DDX23: variants seen among roughly 807,000 people sequenced by gnomAD.
DDX23 encodes DEAD-box helicase 23.
A neutral mutation model predicts 102.7 loss-of-function variants in DDX23; 33 were observed. The ratio of observed to expected loss-of-function variants is 0.32; its 90% CI spans 0.24 to 0.43. The LOEUF is 0.43. DDX23 is among the 20% of genes least tolerant of loss of function. The pLI, the probability that DDX23 is intolerant of heterozygous loss-of-function variation, is 1.00. For missense variants in DDX23, 549 were observed against 1,086.6 expected (o/e 0.51, Z 6.96); for synonymous variants, 352 against 376.0 (o/e 0.94, Z 0.74).
chr12:48,848,839 C>A (rs1938712333), intron 1 of DDX23, among the ~76,000 whole-genome samples: 1 of 151,830 alleles, frequency 6.6e-6, no homozygotes, highest in African/African-American at 2.4e-5. Context: ...ACAACCTCCA[C>A]CTCCCAGGTT....
chr12:48,829,911 C>T lies in DDX23; in HGVS notation c.*558G>A. 3.6e-6 allele frequency: 1 copy of T among 276,522 alleles called. No individual in the cohort carries two copies. The highest frequency in any genetic ancestry group is 2.2e-5 in the African/African-American group (1 of 45,682). 17.1% of individuals were successfully genotyped at this position (276,522 alleles called of 1,614,324 possible). A position where few individuals can be genotyped will look rare whatever the true frequency, so the allele number is the denominator to read the frequency against. On this transcript the variant is annotated 3_prime_UTR_variant, in exon 17 of 17. Transcript: ENST00000308025. ...GAAAATCCCCTGGGGGAGGGGATGC[C>T]TAGAGCATACAGCACCCCTTGGTGC...
At chr12:48,840,149 T>G in intron 3 of DDX23, 43 bp from the exon 4 acceptor site, 1 of 1,496,142 alleles carries the variant, frequency 6.7e-7, no homozygotes, top group Non-Finnish European at 9.3e-7. Context: ...CTTACTTCAG[T>G]GCCTGGATGA....
chr12:48,836,312 C>G lies in DDX23; in HGVS notation c.1237-46G>C. The G allele has an allele frequency of 6.3e-7, 1 of 1,599,676 alleles. No homozygotes were observed. Among genetic ancestry groups the G allele is most frequent in the South Asian group, 1.1e-5 (1 of 90,594 alleles). On this transcript the variant is annotated intron_variant, in intron 10 of 16. Transcript: ENST00000308025. This position sits in a 1 kb window ranked among gnomAD's most constrained non-coding sequence, Gnocchi z 6.1. Reference sequence around the variant, plus strand: ...AGTAATAGGTACAGGGAGAGTTATACCACCTGGGCAACCACTGATAGTAGT... The same window carrying G: ...AGTAATAGGTACAGGGAGAGTTATAGCACCTGGGCAACCACTGATAGTAGT...
Position 48,830,834 on chromosome 12 carries a change from C to A in DDX23, c.2240-142G>T. 1.1e-6 allele frequency: 1 copy of A among 884,952 alleles called. No homozygotes were observed. 54.8% of individuals were successfully genotyped at this position (884,952 alleles called of 1,614,324 possible). A position where few individuals can be genotyped will look rare whatever the true frequency, so the allele number is the denominator to read the frequency against. Reference sequence around the variant, plus strand: ...ACATGCTGCCTGAACCTGAGGCGCCCACAGTGCCCTCTCCAGGTGCCCATC... The same window carrying A: ...ACATGCTGCCTGAACCTGAGGCGCCAACAGTGCCCTCTCCAGGTGCCCATC... On this transcript the variant is annotated intron_variant, in intron 16 of 16. Coordinates refer to ENST00000308025, the MANE Select transcript of DDX23 (RefSeq NM_004818.3). The surrounding 1 kb of genome is among the most constrained non-coding windows in gnomAD (Gnocchi z 4.9).
chr12:48,837,774 A>T (rs1194324084), intron 6 of DDX23, 117 bp from the exon 7 acceptor site: 3 of 1,528,924 alleles, frequency 2.0e-6, no homozygotes, highest in Non-Finnish European at 2.6e-6. Flanking sequence ...GACTTATGAT[A>T]TGGGGTAAAT....
intron 3 of DDX23, among the ~76,000 whole-genome samples, chr12:48,842,173 T>C (rs1263890816): frequency 1.5e-5 from 1 of 65,950 alleles, no homozygotes; most frequent in Non-Finnish European, 3.4e-5. Context: ...GGGAGGGAGG[T>C]GGGGGGGGTT....
chr12:48,841,873 C>T (rs1425325231), intron 3 of DDX23, among the ~76,000 whole-genome samples: 25 of 152,084 alleles, frequency 1.6e-4, no homozygotes, highest in Non-Finnish European at 2.8e-4. Context: ...AGCCTCTGCC[C>T]GGCCGCCATC....
chr12:48,843,234 C>T (rs1332304809), intron 3 of DDX23, among the ~76,000 whole-genome samples: 6 of 150,686 alleles, frequency 4.0e-5, no homozygotes, highest in Admixed American at 4.0e-4. Flanking sequence ...ACCTTCCCTC[C>T]ACTATTGTCC....
rs772574055 is a variant in DDX23 at position 48,833,517 on chromosome 12, A to C, written c.1563T>G (p.Ile521Met). 41 of 1,613,758 alleles carry C rather than the reference A, an allele frequency of 2.5e-5. No homozygotes were observed. The highest frequency in any genetic ancestry group is 3.4e-5 in the Non-Finnish European group (40 of 1,180,026). ...TCAAACGCCCAGGGGTAGCAATCAC[A>C]ATCTGAGGAGTACAGTATAATCATT... ...QGFRLRMGCE[I>M]VIATPGRLID... Residue 521 changes from isoleucine (I) to methionine (M), a missense_variant and splice_region_variant, in exon 13 of 17, where the codon ATT becomes ATG. Coordinates refer to ENST00000308025, the MANE Select transcript of DDX23 (RefSeq NM_004818.3).
intron 2 of DDX23, among the ~76,000 whole-genome samples, chr12:48,845,091 G>A (rs1425707907): frequency 6.6e-6 from 1 of 150,582 alleles, no homozygotes; most frequent in Non-Finnish European, 1.5e-5. Flanking sequence ...GGCAGAGGTT[G>A]CAGTGAGCCG....
intron 1 of DDX23, among the ~76,000 whole-genome samples, chr12:48,848,940 G>A (rs997476571): frequency 5.3e-5 from 8 of 151,962 alleles, no homozygotes; most frequent in Non-Finnish European, 1.0e-4. Context: ...TTTTAGTAGA[G>A]GCGGGGTTTC....
At chr12:48,835,299 G>C (rs938022392) in intron 11 of DDX23, 3 of 165,568 alleles carry the variant, frequency 1.8e-5, no homozygotes, top group African/African-American at 7.2e-5. Flanking sequence ...TCAGCCAGGT[G>C]CAGTGGTTCA....
At chr12:48,833,134 C>A in intron 13 of DDX23, 143 bp downstream of exon 13, 1 of 1,260,940 alleles carries the variant, frequency 7.9e-7, no homozygotes, top group Non-Finnish European at 1.1e-6. Flanking sequence ...CAGGTGTGCA[C>A]CACCAATGCC....
chr12:48,830,098 A>G lies in DDX23; in HGVS notation c.*371T>C, dbSNP rs1197100791. ...GCTACTGCAGTTTATGCAGTTACACAGTCAAGTCTGTGCCAAAGGAGGTCC... is the reference window on the plus strand; with the variant it reads ...GCTACTGCAGTTTATGCAGTTACACGGTCAAGTCTGTGCCAAAGGAGGTCC... On this transcript the variant is annotated 3_prime_UTR_variant, in exon 17 of 17. Coordinates refer to ENST00000308025, the MANE Select transcript of DDX23 (RefSeq NM_004818.3). The surrounding 1 kb of genome is among the most constrained non-coding windows in gnomAD (Gnocchi z 4.9). 2.4e-6 allele frequency: 1 copy of G among 415,556 alleles called. No individual in the cohort carries two copies. The highest frequency in any genetic ancestry group is 4.7e-6 in the Non-Finnish European group (1 of 212,352). 25.7% of individuals were successfully genotyped at this position (415,556 alleles called of 1,614,324 possible).
chr12:48,838,617 C>A lies in DDX23; in HGVS notation c.481-537G>T, dbSNP rs915330971. The stretch of plus-strand genomic sequence containing the variant: ...CTGTAATCCTAGCACTTTGGGAGGC[C>A]GAGATGGGCGGATCACGAGGTCAGG... On this transcript the variant is annotated intron_variant, in intron 5 of 16. Transcript: ENST00000308025. Among the ~76,000 whole-genome samples the A allele has an allele frequency of 2.6e-5, 4 of 151,276 alleles. No individual in the cohort carries two copies. In the East Asian group the frequency reaches 7.8e-4, roughly 29 times the overall value.
rs1167470587 is a variant in DDX23, at chr12:48,836,634, G to A, written c.1171C>T (p.Arg391Ter). 1.2e-6 allele frequency: 2 copies of A among 1,614,056 alleles called. No individual in the cohort carries two copies. The highest frequency in any genetic ancestry group is 1.7e-6 in the Non-Finnish European group (2 of 1,180,046). The change falls in exon 10 of 17, where the codon CGA becomes TGA. Residue 391 changes from arginine (R) to a stop codon, truncating the protein, a stop_gained. Transcript: ENST00000308025. LOFTEE classifies it high-confidence loss of function. This position sits in a 1 kb window ranked among gnomAD's most constrained non-coding sequence, Gnocchi z 6.1. Reference protein sequence around the residue: ...TKGGKIPNPIRSWKDSSLPPH... With the variant: ...TKGGKIPNPI ...GGCAGAGAAGAGTCTTTCCAGGATC[G>A]GATGGGATTGGGGATCTTGCCACCT...
chr12:48,839,921 A>G lies in DDX23; in HGVS notation c.415-12T>C. The G allele has an allele frequency of 6.2e-7, 1 of 1,614,164 alleles. No homozygotes were observed. Among genetic ancestry groups the G allele is most frequent in the South Asian group, 1.1e-5 (1 of 91,080 alleles). On this transcript the variant is annotated splice_polypyrimidine_tract_variant and intron_variant, in intron 4 of 16. Coordinates refer to ENST00000308025, the MANE Select transcript of DDX23 (RefSeq NM_004818.3). Reference sequence around the variant, plus strand: ...GATAATGGCTGGGCCTGAAGATAAAACAGAACTTTAGTCTATAAAGGCTCT... The same window carrying G: ...GATAATGGCTGGGCCTGAAGATAAAGCAGAACTTTAGTCTATAAAGGCTCT...
intron 5 of DDX23, 108 bp from the exon 6 acceptor site, chr12:48,838,188 C>T: frequency 6.6e-7 from 1 of 1,517,778 alleles, no homozygotes; most frequent in Non-Finnish European, 8.9e-7. Flanking sequence ...AGGCATTAAG[C>T]CTGTTGAGGA....
Position 48,837,506 on chromosome 12 carries a change from T to C in DDX23, c.753+18A>G. The C allele has an allele frequency of 1.2e-6, 2 of 1,614,000 alleles. No individual in the cohort carries two copies. The highest frequency in any genetic ancestry group is 1.7e-6 in the Non-Finnish European group (2 of 1,179,868). Reference sequence around the variant, plus strand: ...TTTTTGTGTGGGAGAGAAGTGAAGATGGAGCCAAGGCCTGCACCTTAATGG... The same window carrying C: ...TTTTTGTGTGGGAGAGAAGTGAAGACGGAGCCAAGGCCTGCACCTTAATGG... On this transcript the variant is annotated intron_variant, in intron 7 of 16. Transcript: ENST00000308025.
Sources: gnomAD v4.1 joint callset for allele counts (sites outside exome capture counted in the v4.1 genomes callset) on GRCh38, gnomAD v4.1.1 for gene constraint, Gnocchi (gnomAD v3.1) non-coding constraint, MANE v1.5 for transcripts, NCBI Gene and HGNC (gene_info 2026-07-23, HGNC 2026-07-21) for gene names.